Variants in ITPR3 observed in about 807,000 individuals in gnomAD.
ITPR3 encodes inositol 1,4,5-trisphosphate-gated calcium channel ITPR3.
Under a neutral mutation model 293.2 loss-of-function variants are expected in ITPR3, and 173 were observed. The observed-to-expected ratio is 0.59, with a 90% confidence interval of 0.52 to 0.67. The LOEUF is 0.67. Among genes scored for constraint, ITPR3 ranks in the 30% least tolerant of loss-of-function variants. The probability of loss-of-function intolerance (pLI) is 0.00; values close to 1 mark genes in which losing one functional copy is unlikely to be tolerated. For missense variants in ITPR3, 2,796 were observed against 3,592.1 expected (o/e 0.78, Z 5.66); for synonymous variants, 1,295 against 1,444.4 (o/e 0.90, Z 2.35).
chr6:33,683,944 G>A lies in ITPR3; in HGVS notation c.4789-76G>A, dbSNP rs548894462. ...AGGGCAATCTGTGGGGCTGTTTGGC[G>A]TTTGGGTCGGAGGAATGGCAGTCAC... On this transcript the variant is annotated intron_variant, in intron 35 of 57. Coordinates refer to ENST00000605930, the MANE Select transcript of ITPR3 (RefSeq NM_002224.4). This position sits in a 1 kb window ranked among gnomAD's most constrained non-coding sequence, Gnocchi z 4.5. 8.0e-4 allele frequency: 1,202 copies of A among 1,508,940 alleles called. 8 individuals are homozygous for A. In the African/African-American group the frequency reaches 0.011, roughly 13 times the overall value. 93.5% of individuals were successfully genotyped at this position (1,508,940 alleles called of 1,614,324 possible).
rs1421225605 is a variant in ITPR3, at chr6:33,682,134, G to A, written c.4477-390G>A. On this transcript the variant is annotated intron_variant, in intron 33 of 57. Coordinates refer to ENST00000605930, the MANE Select transcript of ITPR3 (RefSeq NM_002224.4). This position sits in a 1 kb window ranked among gnomAD's most constrained non-coding sequence, Gnocchi z 5.4. ...TGACCGCAAGTCATCCACCCACCTTGGCCTCCCAAAGTGCTGACATTACAC... is the reference window on the plus strand; with the variant it reads ...TGACCGCAAGTCATCCACCCACCTTAGCCTCCCAAAGTGCTGACATTACAC... 6.6e-6 allele frequency among the ~76,000 whole-genome samples: 1 copy of A among 152,134 alleles called. No individual in the cohort carries two copies. The highest frequency in any genetic ancestry group is 2.4e-5 in the African/African-American group (1 of 41,414).
At chr6:33,652,612 C>T (rs1288887563) in intron 2 of ITPR3, among the ~76,000 whole-genome samples, 2 of 151,904 alleles carry the variant, frequency 1.3e-5, no homozygotes, top group Non-Finnish European at 2.9e-5. Flanking sequence ...ATTACAGGTG[C>T]GTGCCACCAT....
At position 33,683,542 on chromosome 6, in the gene ITPR3, C is replaced by A; in HGVS notation, c.4788+145C>A. 1 of 740,566 alleles carries A rather than the reference C, an allele frequency of 1.4e-6. No homozygotes were observed. Among genetic ancestry groups the A allele is most frequent in the Non-Finnish European group, 2.1e-6 (1 of 477,762 alleles). 45.9% of individuals were successfully genotyped at this position (740,566 alleles called of 1,614,324 possible). A position where few individuals can be genotyped will look rare whatever the true frequency, so the allele number is the denominator to read the frequency against. ...GAAGGGGCTGGTTGGCTTCTCTACA[C>A]TCTGGGGCTGCTAAGGGCCGACCCA... On this transcript the variant is annotated intron_variant, in intron 35 of 57. Transcript: ENST00000605930. This position sits in a 1 kb window ranked among gnomAD's most constrained non-coding sequence, Gnocchi z 4.5.
chr6:33,636,647 G>C (rs548634407), intron 1 of ITPR3, among the ~76,000 whole-genome samples: 3 of 152,088 alleles, frequency 2.0e-5, no homozygotes, highest in South Asian at 2.1e-4. Context: ...AGCATGTTCC[G>C]GTGGGAGGCC....
At chr6:33,640,414 C>A in intron 1 of ITPR3, 70 bp from the exon 2 acceptor site, 2 of 1,454,168 alleles carry the variant, frequency 1.4e-6, no homozygotes, top group Non-Finnish European at 1.9e-6. Context: ...GCATCCCCTG[C>A]TCTAAGGGAA....
At chr6:33,630,963 AG>A (rs1318513949) in intron 1 of ITPR3, among the ~76,000 whole-genome samples, 1 of 152,226 alleles carries the variant, frequency 6.6e-6, no homozygotes, top group Non-Finnish European at 1.5e-5. Context: ...TTCTCTGATG[AG>A]CCAGGAGCCC....
Position 33,621,780 on chromosome 6 carries a change from C to T in ITPR3, c.89+89C>T. The T allele has an allele frequency of 1.1e-6, 1 of 939,214 alleles. No homozygotes were observed. Among genetic ancestry groups the T allele is most frequent in the South Asian group, 1.5e-5 (1 of 67,904 alleles). The allele number at this position is 939,214 out of a possible 1,614,324, so 58.2% of individuals were successfully genotyped here. A position where few individuals can be genotyped will look rare whatever the true frequency, so the allele number is the denominator to read the frequency against. Reference sequence around the variant, plus strand: ...CTGCGTGCGTCCAGCCGCCGCCCCCCGATAGAGGCCTGGACGTCCCCCTAG... The same window carrying T: ...CTGCGTGCGTCCAGCCGCCGCCCCCTGATAGAGGCCTGGACGTCCCCCTAG... On this transcript the variant is annotated intron_variant, in intron 1 of 57. Transcript: ENST00000605930. The surrounding 1 kb of genome is among the most constrained non-coding windows in gnomAD (Gnocchi z 7.7).
In ITPR3 at chr6:33,638,652, C is replaced by G. The variant is rs75359196; in HGVS notation, c.90-1832C>G. On this transcript the variant is annotated intron_variant, in intron 1 of 57. Coordinates refer to ENST00000605930, the MANE Select transcript of ITPR3 (RefSeq NM_002224.4). The surrounding 1 kb of genome is among the most constrained non-coding windows in gnomAD (Gnocchi z 4.3). ...GGCTTTAAGAGCTCTGGCCAGGAGC[C>G]GGGATGAAGACCAAATATATATTTC... Among the ~76,000 whole-genome samples the G allele has an allele frequency of 2.0e-5, 3 of 152,176 alleles. No individual in the cohort carries two copies. Among genetic ancestry groups the G allele is most frequent in the Non-Finnish European group, 2.9e-5 (2 of 68,040 alleles).
At chr6:33,668,491 C>A in intron 16 of ITPR3, 24 bp from the exon 17 acceptor site, 1 of 1,614,012 alleles carries the variant, frequency 6.2e-7, no homozygotes, top group Non-Finnish European at 8.5e-7. Context: ...ACCCTCTTCC[C>A]ACCGCTGGCT....
chr6:33,640,246 G>T (rs1187779704), intron 1 of ITPR3, among the ~76,000 whole-genome samples: 3 of 152,110 alleles, frequency 2.0e-5, no homozygotes, highest in African/African-American at 4.8e-5. Context: ...CAGTCAGGGG[G>T]CTGGGGTGGG....
At position 33,665,330 on chromosome 6, in the gene ITPR3, TG is replaced by T. The variant is rs1764582791; in HGVS notation, c.1409+119del. The T allele has an allele frequency of 3.0e-6, 4 of 1,350,578 alleles. No individual in the cohort carries two copies. The African/African-American group carries it at 5.8e-5, about 20-fold the overall frequency. 83.7% of individuals were successfully genotyped at this position (1,350,578 alleles called of 1,614,324 possible). A position where few individuals can be genotyped will look rare whatever the true frequency, so the allele number is the denominator to read the frequency against. Reference sequence around the variant, plus strand: ...GCAAACTGGGGAGAGAGTAGGGGACTGGCCCCTGTGGGGCCCTGGCTGAGCC... The same window carrying T: ...GCAAACTGGGGAGAGAGTAGGGGACTGCCCCTGTGGGGCCCTGGCTGAGCC... On this transcript the variant is annotated intron_variant, in intron 13 of 57. Transcript: ENST00000605930.
chr6:33,667,304 C>G lies in ITPR3; in HGVS notation c.1713+14C>G. ...CGCAAGAACCAGGTGCGCCGCTGCC[C>G]TGCTGGCCCACTCGCTGGCTGCACG... On this transcript the variant is annotated intron_variant, in intron 15 of 57. Transcript: ENST00000605930. This position sits in a 1 kb window ranked among gnomAD's most constrained non-coding sequence, Gnocchi z 4.4. 1 of 1,608,994 alleles carries G rather than the reference C, an allele frequency of 6.2e-7. No homozygotes were observed. The highest frequency in any genetic ancestry group is 1.1e-5 in the South Asian group (1 of 90,730).
chr6:33,662,703 G>T, intron 8 of ITPR3, 29 bp downstream of exon 8: 1 of 1,601,396 alleles, frequency 6.2e-7, no homozygotes, highest in South Asian at 1.1e-5. Flanking sequence ...CTGGCACCCC[G>T]GACTCAGCCT....
Position 33,632,455 on chromosome 6 carries a change from C to T in ITPR3, c.90-8029C>T, listed in dbSNP as rs139817214. Among the ~76,000 whole-genome samples, 1 of 152,336 alleles carries T rather than the reference C, an allele frequency of 6.6e-6. No homozygotes were observed. Among genetic ancestry groups the T allele is most frequent in the Admixed American group, 6.5e-5 (1 of 15,308 alleles). On this transcript the variant is annotated intron_variant, in intron 1 of 57. Coordinates refer to ENST00000605930, the MANE Select transcript of ITPR3 (RefSeq NM_002224.4). This position sits in a 1 kb window ranked among gnomAD's most constrained non-coding sequence, Gnocchi z 4.1. Reference sequence around the variant, plus strand: ...ACCCACCCTGCTACCTTTCCCATGGCGCCCACCTGGATCTCAAAGTCCACG... The same window carrying T: ...ACCCACCCTGCTACCTTTCCCATGGTGCCCACCTGGATCTCAAAGTCCACG...
chr6:33,634,492 C>T (rs1044035026), intron 1 of ITPR3, among the ~76,000 whole-genome samples: 2 of 152,232 alleles, frequency 1.3e-5, no homozygotes, highest in African/African-American at 4.8e-5. Context: ...CTTCTCTGCT[C>T]CAGTCCCTTC....
chr6:33,685,066 G>A, intron 39 of ITPR3, 123 bp downstream of exon 39: 4 of 1,159,374 alleles, frequency 3.5e-6, no homozygotes, highest in Non-Finnish European at 4.8e-6. Context: ...CTGAGCAGTG[G>A]CTGAGAGGTG....
rs1763444368 is a variant in ITPR3, at chr6:33,621,832, C to T, written c.89+141C>T. 1 of 649,644 alleles carries T rather than the reference C, an allele frequency of 1.5e-6. No individual in the cohort carries two copies. Among genetic ancestry groups the T allele is most frequent in the Non-Finnish European group, 2.7e-6 (1 of 367,474 alleles). The allele number at this position is 649,644 out of a possible 1,614,324, so 40.2% of individuals were successfully genotyped here. Reference sequence around the variant, plus strand: ...CTCAAGGAGCGGGAACGGCTCGCCTCCTTCTTTTACAGAAAGGAAGTGAAG... The same window carrying T: ...CTCAAGGAGCGGGAACGGCTCGCCTTCTTCTTTTACAGAAAGGAAGTGAAG... On this transcript the variant is annotated intron_variant, in intron 1 of 57. Coordinates refer to ENST00000605930, the MANE Select transcript of ITPR3 (RefSeq NM_002224.4). The surrounding 1 kb of genome is among the most constrained non-coding windows in gnomAD (Gnocchi z 7.7).
chr6:33,647,503 AC>A (rs2127243234), intron 2 of ITPR3, among the ~76,000 whole-genome samples: 1 of 152,272 alleles, frequency 6.6e-6, no homozygotes, highest in Non-Finnish European at 1.5e-5. Flanking sequence ...TACCCATTAA[AC>A]AATAACTCCC....
chr6:33,651,807 G>C (rs1430464624), intron 2 of ITPR3, among the ~76,000 whole-genome samples: 1 of 152,186 alleles, frequency 6.6e-6, no homozygotes, highest in East Asian at 1.9e-4. Context: ...GGTCACCATG[G>C]TTCTCAGCCC....
Sources: allele counts gnomAD v4.1 joint callset (sites outside exome capture counted in the v4.1 genomes callset), GRCh38; gene constraint gnomAD v4.1.1; non-coding constraint Gnocchi (gnomAD v3.1); transcripts MANE v1.5; gene names NCBI Gene and HGNC (gene_info 2026-07-23, HGNC 2026-07-21).